Variants in ROCK2 observed in about 807,000 individuals in gnomAD.
ROCK2 encodes Rho associated coiled-coil containing protein kinase 2, also known as rho-associated protein kinase 2.
In ROCK2, 61 loss-of-function variants were observed where a neutral mutation model predicts 195.1. That is an observed-to-expected ratio of 0.31 (90% CI 0.25 to 0.39). The LOEUF (loss-of-function observed/expected upper bound fraction) is 0.39. ROCK2 is among the 10% of genes least tolerant of loss of function. The pLI, the probability that ROCK2 is intolerant of heterozygous loss-of-function variation, is 1.00. For synonymous variants in ROCK2, 504 were observed against 545.5 expected, an observed-to-expected ratio of 0.92 and a Z score of 1.06; for missense variants, 1,109 against 1,637.4, an observed-to-expected ratio of 0.68 and a Z score of 5.57.
At chr2:11,268,023 C>A (rs113125798) in intron 3 of ROCK2, among the ~76,000 whole-genome samples, 10,354 of 151,942 alleles carry the variant, frequency 0.068, 484 homozygotes, top group African/African-American at 0.13. Flanking sequence ...ATCCATCCTA[C>A]CAACAAATAA....
chr2:11,264,891 AAGTAC>A (rs1186993752), intron 3 of ROCK2, among the ~76,000 whole-genome samples: 1 of 152,318 alleles, frequency 6.6e-6, no homozygotes, highest in East Asian at 1.9e-4. Context: ...CAGCCAATAC[AAGTAC>A]AGGTGAAGTC....
At chr2:11,329,392 C>A (rs1011888029) in intron 1 of ROCK2, among the ~76,000 whole-genome samples, 1 of 151,494 alleles carries the variant, frequency 6.6e-6, no homozygotes, top group Non-Finnish European at 1.5e-5. Flanking sequence ...TAAAACACTA[C>A]ACCAAATATT....
intron 3 of ROCK2, among the ~76,000 whole-genome samples, chr2:11,263,544 T>G (rs904628458): frequency 6.6e-6 from 1 of 151,242 alleles, no homozygotes; most frequent in African/African-American, 2.4e-5. Context: ...TATGAATCCC[T>G]GATGTAAATG....
intron 2 of ROCK2, 107 bp downstream of exon 2, chr2:11,287,544 TAATA>T (rs1208406342): frequency 1.6e-5 from 6 of 382,300 alleles, no homozygotes; most frequent in Admixed American, 9.1e-5. Context: ...GACTTAAGTT[TAATA>T]AATAAGTTGA....
intron 1 of ROCK2, among the ~76,000 whole-genome samples, chr2:11,332,407 T>C (rs1426516025): frequency 1.3e-5 from 2 of 152,164 alleles, no homozygotes; most frequent in Non-Finnish European, 2.9e-5. Flanking sequence ...ACCAGTTGAT[T>C]ACCGTATTAT....
At chr2:11,321,413 T>C (rs1449478232) in intron 1 of ROCK2, among the ~76,000 whole-genome samples, 2 of 151,374 alleles carry the variant, frequency 1.3e-5, no homozygotes, top group African/African-American at 4.8e-5. Flanking sequence ...CCTGCCCCAG[T>C]GATCCATCCG....
chr2:11,323,397 A>T (rs1238386602), intron 1 of ROCK2, among the ~76,000 whole-genome samples: 1 of 152,172 alleles, frequency 6.6e-6, no homozygotes, highest in Non-Finnish European at 1.5e-5. Context: ...GAAGACATTA[A>T]ATCTAAAAGA....
chr2:11,287,687 T>C lies in ROCK2; in HGVS notation c.191A>G (p.Lys64Arg). 7.6e-7 allele frequency: 1 copy of C among 1,309,262 alleles called. No individual in the cohort carries two copies. The highest frequency in any genetic ancestry group is 1.0e-6 in the Non-Finnish European group (1 of 977,274). The allele number at this position is 1,309,262 out of a possible 1,614,324, so 81.1% of individuals were successfully genotyped here. A position where few individuals can be genotyped will look rare whatever the true frequency, so the allele number is the denominator to read the frequency against. The change falls in exon 2 of 33, where the codon AAA (lysine) becomes AGA (arginine). Residue 64 changes from lysine (K) to arginine (R), a missense_variant. By Grantham distance (26) the Lys-to-Arg change is conservative. Around this residue, in one of 6 missense-constraint regions of ROCK2, gnomAD observed 253 missense variants for 455.5 expected, o/e 0.56. Transcript: ENST00000315872. ...TAAGAAATTATCTATGTTCTTGTTTTTCCTCAAAGCAGGAAAATCTAAATC... is the reference window on the plus strand; with the variant it reads ...TAAGAAATTATCTATGTTCTTGTTTCTCCTCAAAGCAGGAAAATCTAAATC... ...VLDLDFPALR[K>R]NKNIDNFLNR...
At chr2:11,343,961 T>C in intron 1 of ROCK2, 35 bp downstream of exon 1, 1 of 1,580,138 alleles carries the variant, frequency 6.3e-7, no homozygotes, top group Non-Finnish European at 8.6e-7. Context: ...AGGTGTGAGC[T>C]GCAACGAGCA....
intron 7 of ROCK2, 68 bp from the exon 8 acceptor site, chr2:11,222,242 CA>C: frequency 2.4e-6 from 2 of 834,918 alleles, no homozygotes; most frequent in East Asian, 5.3e-5. Flanking sequence ...TCTATGTCAA[CA>C]GTTTAACCAA....
intron 1 of ROCK2, among the ~76,000 whole-genome samples, chr2:11,330,513 C>G (rs1193301931): frequency 6.6e-6 from 1 of 152,120 alleles, no homozygotes; most frequent in African/African-American, 2.4e-5. Flanking sequence ...ACATTTTTCA[C>G]TAGATCTTGT....
At chr2:11,319,557 T>C (rs550884935) in intron 1 of ROCK2, among the ~76,000 whole-genome samples, 41 of 152,312 alleles carry the variant, frequency 2.7e-4, no homozygotes, top group African/African-American at 8.9e-4. Flanking sequence ...CAGGGACAAT[T>C]TGACTTCCTC....
At chr2:11,184,701 T>G (rs1452543521) in intron 32 of ROCK2, 1 of 983,790 alleles carries the variant, frequency 1.0e-6, no homozygotes, top group African/African-American at 1.7e-5. Flanking sequence ...AACATCGTCA[T>G]CATCATCACC....
chr2:11,296,004 A>AGAGAGGAGAGAGAGAGAGAGG (rs1667514504), intron 1 of ROCK2, among the ~76,000 whole-genome samples: 3 of 32,824 alleles, frequency 9.1e-5, no homozygotes, highest in Non-Finnish European at 1.7e-4. Flanking sequence ...AGAGAGAGAG[A>AGAGAGGAGAGAGAGAGAGAGG]GGAGAGAGAG....
chr2:11,337,976 C>T (rs972454260), intron 1 of ROCK2, among the ~76,000 whole-genome samples: 10 of 152,072 alleles, frequency 6.6e-5, no homozygotes, highest in Middle Eastern at 3.2e-3. Flanking sequence ...CATATCTGCC[C>T]TATGAGTTAG....
At chr2:11,202,309 C>T (rs572756486) in intron 20 of ROCK2, among the ~76,000 whole-genome samples, 188 bp from the exon 21 acceptor site, 18 of 152,016 alleles carry the variant, frequency 1.2e-4, no homozygotes, top group Non-Finnish European at 2.2e-4. Context: ...CGTTATATAC[C>T]GTATGTACTT....
At chr2:11,194,176 TATGAGACTA>T in intron 29 of ROCK2, 71 bp downstream of exon 29, 1 of 573,476 alleles carries the variant, frequency 1.7e-6, no homozygotes, top group East Asian at 3.1e-5. Context: ...GGAGCTATAC[TATGAGACTA>T]ATAAATTGCA....
At chr2:11,224,947 T>C (rs529818175) in intron 6 of ROCK2, among the ~76,000 whole-genome samples, 1 of 152,302 alleles carries the variant, frequency 6.6e-6, no homozygotes, top group African/African-American at 2.4e-5. Context: ...TCCCTAGTTA[T>C]ACTAGCCACA....
intron 3 of ROCK2, among the ~76,000 whole-genome samples, chr2:11,277,024 C>G (rs1039987030): frequency 6.6e-5 from 10 of 152,036 alleles, no homozygotes; most frequent in African/African-American, 2.2e-4. Context: ...GAATAGGGTA[C>G]ACAAATTTAC....
Sources: gnomAD v4.1 joint callset for allele counts (sites outside exome capture counted in the v4.1 genomes callset) on GRCh38, gnomAD v4.1.1 for gene constraint, gnomAD v4.1.1 regional missense constraint, MANE v1.5 for transcripts, NCBI Gene and HGNC (gene_info 2026-07-23, HGNC 2026-07-21) for gene names.